GPC6: variants seen among roughly 807,000 people sequenced by gnomAD.
GPC6 encodes the protein glypican-6.
A neutral mutation model predicts 55.2 loss-of-function variants in GPC6; 14 were observed. The observed-to-expected ratio is 0.25, with a 90% CI of 0.17 to 0.40. GPC6 has a LOEUF of 0.40. Ranked by LOEUF, GPC6 falls within the 10% of genes least tolerant of loss-of-function variation. The pLI is 1.00. For synonymous variants in GPC6, 278 were observed against 259.6 expected (o/e 1.07, Z -0.68); for missense variants, 641 against 708.5 (o/e 0.90, Z 1.08).
intron 2 of GPC6, among the ~76,000 whole-genome samples, chr13:93,546,653 A>G (rs1874803059): frequency 6.6e-6 from 1 of 152,194 alleles, no homozygotes; most frequent in East Asian, 1.9e-4. Context: ...AAATGCAGCT[A>G]GGGAGTACTT....
chr13:94,041,928 A>G (rs1883550230), intron 4 of GPC6, among the ~76,000 whole-genome samples: 1 of 151,918 alleles, frequency 6.6e-6, no homozygotes, highest in Non-Finnish European at 1.5e-5. Context: ...TGTTAACAAC[A>G]TACATACGTA....
At chr13:94,287,112 T>C (rs1187232100) in intron 5 of GPC6, among the ~76,000 whole-genome samples, 1 of 152,134 alleles carries the variant, frequency 6.6e-6, no homozygotes, top group Non-Finnish European at 1.5e-5. Context: ...TCCACCCAGT[T>C]GAAGATAAAC....
chr13:93,516,705 T>A (rs1566399904), intron 1 of GPC6, among the ~76,000 whole-genome samples: 1 of 152,098 alleles, frequency 6.6e-6, no homozygotes, highest in Non-Finnish European at 1.5e-5. Context: ...AAAAGGTATT[T>A]ATTTTGCATT....
At chr13:93,387,667 C>T (rs993741722) in intron 1 of GPC6, among the ~76,000 whole-genome samples, 9 of 152,176 alleles carry the variant, frequency 5.9e-5, no homozygotes, top group Non-Finnish European at 1.2e-4. Context: ...TCTCTATAGA[C>T]ATTCAGTAAG....
intron 1 of GPC6, among the ~76,000 whole-genome samples, chr13:93,443,480 A>C (rs1877881936): frequency 6.6e-6 from 1 of 152,230 alleles, no homozygotes; most frequent in African/African-American, 2.4e-5. Context: ...GGCTAAGCAT[A>C]ATGCTCGTAA....
At chr13:93,359,758 T>C (rs2038725) in intron 1 of GPC6, among the ~76,000 whole-genome samples, 11,242 of 152,222 alleles carry the variant, frequency 0.074, 494 homozygotes, top group East Asian at 0.12. Context: ...GTAATTTACC[T>C]GGAGGAAGGC....
At chr13:93,299,743 T>C (rs1878610964) in intron 1 of GPC6, among the ~76,000 whole-genome samples, 1 of 152,234 alleles carries the variant, frequency 6.6e-6, no homozygotes, top group Non-Finnish European at 1.5e-5. Context: ...TTGTAAAACT[T>C]AGTTTTATTT....
At chr13:93,598,736 C>T (rs1877879212) in intron 2 of GPC6, among the ~76,000 whole-genome samples, 1 of 152,184 alleles carries the variant, frequency 6.6e-6, no homozygotes, top group Admixed American at 6.5e-5. Flanking sequence ...CTATGATTTT[C>T]CCATATTGCC....
intron 4 of GPC6, among the ~76,000 whole-genome samples, chr13:94,221,603 T>C (rs1890386410): frequency 6.6e-6 from 1 of 152,136 alleles, no homozygotes; most frequent in Non-Finnish European, 1.5e-5. Context: ...TTTTCAGTTT[T>C]ACTTTTACAC....
At chr13:93,569,325 A>G (rs1876287514) in intron 2 of GPC6, among the ~76,000 whole-genome samples, 1 of 152,180 alleles carries the variant, frequency 6.6e-6, no homozygotes, top group South Asian at 2.1e-4. Context: ...GCACTTAATC[A>G]CATGACCCTA....
chr13:94,237,304 C>CTTCT (rs201054980), intron 4 of GPC6, among the ~76,000 whole-genome samples: 2 of 149,174 alleles, frequency 1.3e-5, no homozygotes, highest in East Asian at 3.9e-4. Context: ...CCCTTCCTTC[C>CTTCT]TTCTTTCTTT....
intron 2 of GPC6, among the ~76,000 whole-genome samples, chr13:93,736,986 G>A (rs189563329): frequency 6.6e-6 from 1 of 152,288 alleles, no homozygotes; most frequent in East Asian, 1.9e-4. Flanking sequence ...AAAGGCATGA[G>A]GAAATGAACG....
chr13:94,326,357 G>A (rs1365557765), intron 6 of GPC6, among the ~76,000 whole-genome samples: 1 of 152,032 alleles, frequency 6.6e-6, no homozygotes. Flanking sequence ...ATGGCACAAG[G>A]ACAGCATATC....
At chr13:93,838,615 C>T (rs1887831000) in intron 3 of GPC6, among the ~76,000 whole-genome samples, 3 of 152,090 alleles carry the variant, frequency 2.0e-5, no homozygotes, top group Non-Finnish European at 4.4e-5. Flanking sequence ...TATTTTTTCA[C>T]TTAAGAAAGA....
chr13:93,691,057 T>C (rs999371635), intron 2 of GPC6, among the ~76,000 whole-genome samples: 15 of 152,078 alleles, frequency 9.9e-5, no homozygotes, highest in African/African-American at 3.4e-4. Flanking sequence ...TCCAGAGCGG[T>C]TTTCTCTAAG....
intron 1 of GPC6, among the ~76,000 whole-genome samples, chr13:93,535,192 C>T (rs1882007576): frequency 6.6e-6 from 1 of 152,028 alleles, no homozygotes; most frequent in Non-Finnish European, 1.5e-5. Flanking sequence ...TTATGAAGAA[C>T]CTTTGGCAAT....
chr13:93,318,501 A>G (rs1025587495), intron 1 of GPC6, among the ~76,000 whole-genome samples: 21 of 152,120 alleles, frequency 1.4e-4, no homozygotes, highest in African/African-American at 4.6e-4. Flanking sequence ...GTTTATCTCT[A>G]TACCCTCCTG....
chr13:94,228,209 C>T (rs750343214), intron 4 of GPC6, among the ~76,000 whole-genome samples: 12 of 152,072 alleles, frequency 7.9e-5, no homozygotes, highest in Non-Finnish European at 1.8e-4. Flanking sequence ...GCAGAGTAAT[C>T]CTTTAGGGAC....
intron 4 of GPC6, among the ~76,000 whole-genome samples, chr13:94,030,912 A>G (rs74111408): frequency 0.023 from 3,465 of 152,302 alleles, 102 homozygotes; most frequent in South Asian, 0.066. Context: ...GAGTTCAGTC[A>G]GTGTCTGGAT....
Sources: allele counts gnomAD v4.1 joint callset (sites outside exome capture counted in the v4.1 genomes callset), GRCh38; gene constraint gnomAD v4.1.1; transcripts MANE v1.5; gene names NCBI Gene and HGNC (gene_info 2026-07-23, HGNC 2026-07-21).